PCDHA7: variants seen among roughly 807,000 people sequenced by gnomAD.
PCDHA7 encodes the protein protocadherin alpha 7.
In PCDHA7, 37 loss-of-function variants were observed where a neutral mutation model predicts 57.2. The observed-to-expected ratio is 0.65, with a 90% confidence interval of 0.50 to 0.85. The LOEUF is 0.85. PCDHA7 is among the 40% of genes least tolerant of loss of function. The probability of loss-of-function intolerance (pLI) is 0.00; values close to 1 mark genes in which losing one functional copy is unlikely to be tolerated. For missense variants in PCDHA7, 1,188 were observed against 1,241.8 expected (o/e 0.96, Z 0.65); for synonymous variants, 553 against 558.8 (o/e 0.99, Z 0.15).
chr5:140,835,710 G>A lies in PCDHA7; in HGVS notation c.1327G>A (p.Val443Met), dbSNP rs1773867505. The change falls in exon 1 of 4, where the codon GTG becomes ATG. Residue 443 changes from valine to methionine, a missense_variant. By Grantham distance (21) the Val-to-Met change is conservative. This residue lies in a region of PCDHA7 where 892 missense variants were observed against 788.5 expected (regional missense o/e 1.13). Transcript: ENST00000525929. ...PSLWATASVS[V>M]EVADVNDNAP... ...TCTGTGGGCCACTGCTAGCGTGTCCGTGGAGGTGGCCGACGTGAACGACAA... is the reference window on the plus strand; with the variant it reads ...TCTGTGGGCCACTGCTAGCGTGTCCATGGAGGTGGCCGACGTGAACGACAA... 6.2e-7 allele frequency: 1 copy of A among 1,613,842 alleles called. No homozygotes were observed. The highest frequency in any genetic ancestry group is 8.5e-7 in the Non-Finnish European group (1 of 1,179,868).
chr5:140,851,487 C>G (rs1273932978), intron 1 of PCDHA7: 3 of 888,978 alleles, frequency 3.4e-6, no homozygotes, highest in African/African-American at 1.8e-5. Context: ...TAAACACAGC[C>G]TTCATTTCAA....
At chr5:140,968,353 C>A (rs1377792748) in intron 1 of PCDHA7, 1 of 1,614,106 alleles carries the variant, frequency 6.2e-7, no homozygotes, top group Non-Finnish European at 8.5e-7. Context: ...GTGCCAGTGG[C>A]AGCCTTTATG....
At chr5:140,989,940 G>A (rs947716591) in intron 3 of PCDHA7, among the ~76,000 whole-genome samples, 9 of 152,062 alleles carry the variant, frequency 5.9e-5, no homozygotes, top group Admixed American at 1.3e-4. Flanking sequence ...GACATTCCAC[G>A]TTTTTCTCGG....
intron 1 of PCDHA7, among the ~76,000 whole-genome samples, chr5:140,840,382 G>C (rs1456193921): frequency 2.0e-5 from 3 of 151,912 alleles, no homozygotes; most frequent in Admixed American, 2.0e-4. Context: ...GAAAATAGGG[G>C]GTTGCAGATA....
At chr5:140,977,306 C>G (rs995052680) in intron 1 of PCDHA7, among the ~76,000 whole-genome samples, 22 of 152,268 alleles carry the variant, frequency 1.4e-4, no homozygotes, top group African/African-American at 4.8e-4. Context: ...GACAAGCTAA[C>G]GATAGTGCTC....
intron 1 of PCDHA7, chr5:140,849,568 C>G: frequency 1.3e-6 from 2 of 1,598,620 alleles, no homozygotes; most frequent in Non-Finnish European, 1.7e-6. Flanking sequence ...CTCTCGGTTC[C>G]TGTAAAAGAG....
intron 1 of PCDHA7, among the ~76,000 whole-genome samples, chr5:140,939,948 A>C (rs2153644220): frequency 6.6e-6 from 1 of 152,296 alleles, no homozygotes; most frequent in Admixed American, 6.5e-5. Context: ...TACTGAGAAA[A>C]TTATGTTAAA....
chr5:140,907,298 A>G (rs138771358), intron 1 of PCDHA7, among the ~76,000 whole-genome samples: 4 of 152,162 alleles, frequency 2.6e-5, no homozygotes, highest in Non-Finnish European at 4.4e-5. Flanking sequence ...CTGCTTCAGG[A>G]TGATGGGGAA....
intron 1 of PCDHA7, among the ~76,000 whole-genome samples, chr5:140,901,194 T>A (rs562699930): frequency 2.7e-4 from 41 of 152,236 alleles, no homozygotes; most frequent in Non-Finnish European, 5.1e-4. Flanking sequence ...TGCTTTTCTG[T>A]GCAGAAGGTT....
chr5:140,861,476 C>A, intron 1 of PCDHA7: 2 of 493,220 alleles, frequency 4.1e-6, no homozygotes, highest in Admixed American at 2.1e-5. Flanking sequence ...TGCAGAATGG[C>A]ATTTTTGTGA....
At chr5:140,881,350 T>G (rs1189745119) in intron 1 of PCDHA7, 10 of 985,236 alleles carry the variant, frequency 1.0e-5, no homozygotes, top group Non-Finnish European at 1.2e-5. Context: ...CGGGCTACAA[T>G]GCGTGGCTTT....
chr5:140,860,911 G>A (rs1302618157), intron 1 of PCDHA7: 1 of 152,150 alleles, frequency 6.6e-6, no homozygotes, highest in Non-Finnish European at 1.5e-5. Context: ...CTAATTTTTT[G>A]TATTTTTAGT....
chr5:140,862,874 T>G (rs2047608966), intron 1 of PCDHA7: 1 of 568,426 alleles, frequency 1.8e-6, no homozygotes, highest in South Asian at 1.4e-5. Context: ...CTGCCAGGTA[T>G]TAGTGCTGGA....
chr5:140,931,247 C>G (rs782447233), intron 1 of PCDHA7, among the ~76,000 whole-genome samples: 4 of 152,032 alleles, frequency 2.6e-5, no homozygotes, highest in African/African-American at 4.8e-5. Flanking sequence ...CTTTTCCTAC[C>G]AAGAAATTTC....
At chr5:140,965,288 T>C (rs1020237812) in intron 1 of PCDHA7, among the ~76,000 whole-genome samples, 5 of 152,216 alleles carry the variant, frequency 3.3e-5, no homozygotes, top group Non-Finnish European at 7.3e-5. Flanking sequence ...CATGGAAAGA[T>C]TTCCTCTGAT....
intron 1 of PCDHA7, chr5:140,967,133 G>C: frequency 6.2e-7 from 1 of 1,611,928 alleles, no homozygotes; most frequent in East Asian, 2.2e-5. Flanking sequence ...CAGCTTGGAA[G>C]TGCTGGCGCA....
At chr5:140,984,968 C>T (rs1380988893) in intron 3 of PCDHA7, among the ~76,000 whole-genome samples, 1 of 151,950 alleles carries the variant, frequency 6.6e-6, no homozygotes, top group South Asian at 2.1e-4. Flanking sequence ...GACAGAGTCT[C>T]GCTCTGTCCC....
intron 2 of PCDHA7, 35 bp downstream of exon 2, chr5:140,979,042 C>T (rs782163702): frequency 6.2e-7 from 1 of 1,612,562 alleles, no homozygotes; most frequent in African/African-American, 1.3e-5. Context: ...TCAGAAGTAA[C>T]CTTAACTTGG....
At chr5:140,891,937 C>G (rs1168665111) in intron 1 of PCDHA7, among the ~76,000 whole-genome samples, 3 of 152,166 alleles carry the variant, frequency 2.0e-5, no homozygotes, top group Admixed American at 2.0e-4. Context: ...CTTGGACTTC[C>G]CCTAGGCTCC....
Sources: gnomAD v4.1 joint callset for allele counts (sites outside exome capture counted in the v4.1 genomes callset) on GRCh38, gnomAD v4.1.1 for gene constraint, gnomAD v4.1.1 regional missense constraint, MANE v1.5 for transcripts, NCBI Gene and HGNC (gene_info 2026-07-23, HGNC 2026-07-21) for gene names.